The following FBXO25 variants were observed in gnomAD, a reference collection of about 807,000 sequenced individuals.
The protein encoded by FBXO25 is F-box protein 25, also known as F-box only protein 25.
FBXO25 carries 45 observed loss-of-function variants against 51.9 expected under a neutral mutation model. That is an observed-to-expected ratio of 0.87 (90% CI 0.68 to 1.11). The LOEUF (loss-of-function observed/expected upper bound fraction) is 1.11. FBXO25 is among the 50% of genes most tolerant of loss of function. The pLI, the probability that FBXO25 is intolerant of heterozygous loss-of-function variation, is 0.00. For missense variants in FBXO25, 507 were observed against 428.5 expected, an observed-to-expected ratio of 1.18 and a Z score of -1.62; for synonymous variants, 199 against 151.0, an observed-to-expected ratio of 1.32 and a Z score of -2.33.
rs116123198 is a variant in FBXO25, at chr8:413,850, G to A, written c.134+637G>A. ...TAGCGCAAGGGATGCTGGGGGTTGTGGCCCAGCCATGTGTCCAGATAAAAA... is the reference window on the plus strand; with the variant it reads ...TAGCGCAAGGGATGCTGGGGGTTGTAGCCCAGCCATGTGTCCAGATAAAAA... On this transcript the variant is annotated intron_variant, in intron 2 of 9. Coordinates refer to ENST00000350302, the MANE Select transcript of FBXO25 (RefSeq NM_183420.2). Among the ~76,000 whole-genome samples, 877 of 152,278 alleles carry A rather than the reference G, an allele frequency of 5.8e-3. 3 individuals carry two copies. Among genetic ancestry groups the A allele is most frequent in the African/African-American group, 0.02 (816 of 41,556 alleles).
intron 9 of FBXO25, among the ~76,000 whole-genome samples, chr8:465,837 T>C (rs1170275262): frequency 1.3e-5 from 2 of 152,210 alleles, no homozygotes; most frequent in African/African-American, 4.8e-5. Context: ...GCTGCCTTAG[T>C]TTCCTGAAAT....
intron 2 of FBXO25, among the ~76,000 whole-genome samples, chr8:420,751 C>G (rs1027789499): frequency 3.3e-5 from 5 of 152,154 alleles, no homozygotes; most frequent in African/African-American, 9.7e-5. Flanking sequence ...GGAAGACGAA[C>G]AAATCAGTGG....
chr8:430,883 A>G (rs767452179), intron 2 of FBXO25, among the ~76,000 whole-genome samples: 2 of 152,226 alleles, frequency 1.3e-5, no homozygotes, highest in Non-Finnish European at 1.5e-5. Context: ...TAATAAAAAC[A>G]TGTTCAGTGC....
In FBXO25 at chr8:474,375, A is replaced by T. The variant is rs1040440106; in HGVS notation, c.*5571A>T. On this transcript the variant is annotated 3_prime_UTR_variant, in exon 10 of 10. Coordinates refer to ENST00000350302, the MANE Select transcript of FBXO25 (RefSeq NM_183420.2). Reference sequence around the variant, plus strand: ...CTTGAGTTGCTTCCACCTTTTAGCTATTGTGAATATTGCTGCCGTAAACAT... The same window carrying T: ...CTTGAGTTGCTTCCACCTTTTAGCTTTTGTGAATATTGCTGCCGTAAACAT... The T allele has an allele frequency of 1.1e-5, 3 of 263,294 alleles. No homozygotes were observed. Among genetic ancestry groups the T allele is most frequent in the African/African-American group, 2.3e-5 (1 of 43,080 alleles). 16.3% of individuals were successfully genotyped at this position (263,294 alleles called of 1,614,324 possible). A position where few individuals can be genotyped will look rare whatever the true frequency, so the allele number is the denominator to read the frequency against.
intron 5 of FBXO25, 82 bp from the exon 6 acceptor site, chr8:449,908 T>C: frequency 1.1e-6 from 1 of 906,780 alleles, no homozygotes; most frequent in Non-Finnish European, 1.7e-6. Context: ...GAAATCTTCA[T>C]GCATGTGTGT....
rs961032453 is a variant in FBXO25 at position 469,908 on chromosome 8, C to G, written c.*1104C>G. On this transcript the variant is annotated 3_prime_UTR_variant, in exon 10 of 10. Coordinates refer to ENST00000350302, the MANE Select transcript of FBXO25 (RefSeq NM_183420.2). Reference sequence around the variant, plus strand: ...TAAAAAAAGATTCTGGATTTTTCAGCCCCACTTCTGTGAACTGACACAAAT... The same window carrying G: ...TAAAAAAAGATTCTGGATTTTTCAGGCCCACTTCTGTGAACTGACACAAAT... 6.6e-6 allele frequency: 1 copy of G among 152,150 alleles called. No individual in the cohort carries two copies. Among genetic ancestry groups the G allele is most frequent in the South Asian group, 2.1e-4 (1 of 4,824 alleles). 9.4% of individuals were successfully genotyped at this position (152,150 alleles called of 1,614,324 possible).
chr8:416,429 A>G (rs1796806384), intron 2 of FBXO25, among the ~76,000 whole-genome samples: 1 of 152,224 alleles, frequency 6.6e-6, no homozygotes, highest in Non-Finnish European at 1.5e-5. Context: ...TTTGTCCAGA[A>G]CACCTGAGAT....
At chr8:413,546 G>C (rs1373898636) in intron 2 of FBXO25, among the ~76,000 whole-genome samples, 1 of 152,146 alleles carries the variant, frequency 6.6e-6, no homozygotes, top group African/African-American at 2.4e-5. Flanking sequence ...TGTAGTAATA[G>C]TGGCTTACAC....
At chr8:442,444 G>A (rs1283810131) in intron 5 of FBXO25, among the ~76,000 whole-genome samples, 1 of 152,036 alleles carries the variant, frequency 6.6e-6, no homozygotes, top group African/African-American at 2.4e-5. Flanking sequence ...TTAGAAAGAA[G>A]CAGAGGAAGT....
chr8:435,276 A>T (rs1464497118), intron 4 of FBXO25, among the ~76,000 whole-genome samples: 1 of 152,106 alleles, frequency 6.6e-6, no homozygotes, highest in Non-Finnish European at 1.5e-5. Flanking sequence ...GCCTAGAATG[A>T]ATCCAGTTTT....
chr8:454,892 AAAAAAG>A (rs1554445815), intron 7 of FBXO25, among the ~76,000 whole-genome samples: 1 of 147,606 alleles, frequency 6.8e-6, no homozygotes, highest in East Asian at 2.0e-4. Flanking sequence ...CTCCATCTCA[AAAAAAG>A]AAAAAGAAAA....
At position 475,478 on chromosome 8, in the gene FBXO25, T is replaced by G. The variant is rs1472875325; in HGVS notation, c.*6674T>G. On this transcript the variant is annotated 3_prime_UTR_variant, in exon 10 of 10. Coordinates refer to ENST00000350302, the MANE Select transcript of FBXO25 (RefSeq NM_183420.2). ...TGGAAAAAAAAAAGCCACTGGGATA[T>G]TCTGATAGAGATTGCATGAAATCTA... 6.5e-6 allele frequency: 1 copy of G among 153,508 alleles called. No individual in the cohort carries two copies. Among genetic ancestry groups the G allele is most frequent in the Non-Finnish European group, 1.4e-5 (1 of 69,086 alleles). 9.5% of individuals were successfully genotyped at this position (153,508 alleles called of 1,614,324 possible). A position where few individuals can be genotyped will look rare whatever the true frequency, so the allele number is the denominator to read the frequency against.
chr8:414,059 C>T (rs1448150373), intron 2 of FBXO25, among the ~76,000 whole-genome samples: 3 of 152,120 alleles, frequency 2.0e-5, no homozygotes, highest in Non-Finnish European at 4.4e-5. Context: ...CAACTGTGTG[C>T]TTGATGGGCC....
rs1008916698 is a variant in FBXO25, at chr8:476,697, T to C, written c.*7893T>C. On this transcript the variant is annotated 3_prime_UTR_variant, in exon 10 of 10. Coordinates refer to ENST00000350302, the MANE Select transcript of FBXO25 (RefSeq NM_183420.2). ...TTTCTGTAAAATCAGTTGTAATGTC[T>C]CCTCCTGGTTTTTAGTTGTTTTTCT... 2.6e-5 allele frequency: 4 copies of C among 152,152 alleles called. No homozygotes were observed. Among genetic ancestry groups the C allele is most frequent in the Non-Finnish European group, 5.9e-5 (4 of 68,028 alleles). The allele number at this position is 152,152 out of a possible 1,614,324, so 9.4% of individuals were successfully genotyped here. A position where few individuals can be genotyped will look rare whatever the true frequency, so the allele number is the denominator to read the frequency against.
intron 5 of FBXO25, among the ~76,000 whole-genome samples, chr8:439,932 C>A (rs1798326338): frequency 6.6e-6 from 1 of 152,074 alleles, no homozygotes; most frequent in South Asian, 2.1e-4. Context: ...TAAGGAAAGA[C>A]ATCTCAGGCT....
At chr8:444,336 A>C (rs1798609219) in intron 5 of FBXO25, among the ~76,000 whole-genome samples, 1 of 152,314 alleles carries the variant, frequency 6.6e-6, no homozygotes, top group East Asian at 1.9e-4. Flanking sequence ...CTTCAGGAGC[A>C]CAGGCACACA....
rs1799082915 is a variant in FBXO25, at chr8:451,421, C to G, written c.628C>G (p.Gln210Glu). ...CCGATTAGAAACTATTCTCGCCTGG[C>G]AACAACAGCTACAGGATCTTCAGAT... ...ICRLETILAW[Q>E]QQLQDLQMTK... The change falls in exon 7 of 10, where the codon CAA becomes GAA. Residue 210 changes from glutamine (Q) to glutamate (E), a missense_variant. Coordinates refer to ENST00000350302, the MANE Select transcript of FBXO25 (RefSeq NM_183420.2). 6.2e-7 allele frequency: 1 copy of G among 1,613,836 alleles called. No individual in the cohort carries two copies. The highest frequency in any genetic ancestry group is 1.1e-5 in the South Asian group (1 of 91,052).
At chr8:416,692 C>A (rs1382977163) in intron 2 of FBXO25, among the ~76,000 whole-genome samples, 1 of 152,178 alleles carries the variant, frequency 6.6e-6, no homozygotes, top group Admixed American at 6.5e-5. Flanking sequence ...ACCCAGGAGC[C>A]AGACTTAGAG....
At chr8:459,845 G>C (rs1204451232) in intron 8 of FBXO25, among the ~76,000 whole-genome samples, 1 of 152,298 alleles carries the variant, frequency 6.6e-6, no homozygotes, top group African/African-American at 2.4e-5. Flanking sequence ...GGGGGAGCTG[G>C]ACTCTCAAGG....
Sources: gnomAD v4.1 joint callset for allele counts (sites outside exome capture counted in the v4.1 genomes callset) on GRCh38, gnomAD v4.1.1 for gene constraint, MANE v1.5 for transcripts, NCBI Gene and HGNC (gene_info 2026-07-23, HGNC 2026-07-21) for gene names.